The following CNTNAP5 variants were observed in gnomAD, a reference collection of about 807,000 sequenced individuals.
The protein encoded by CNTNAP5 is contactin associated protein family member 5, also known as contactin-associated protein-like 5.
CNTNAP5 carries 72 observed loss-of-function variants against 150.2 expected under a neutral mutation model. The observed-to-expected ratio is 0.48, with a 90% CI of 0.40 to 0.58. The LOEUF is 0.58. Ranked by LOEUF, CNTNAP5 falls within the 20% of genes least tolerant of loss-of-function variation. The pLI is 0.00. For missense variants in CNTNAP5, 1,636 were observed against 1,626.2 expected (o/e 1.01, Z -0.10); for synonymous variants, 672 against 619.8 (o/e 1.08, Z -1.25).
Position 124,474,889 on chromosome 2 carries a change from C to A in CNTNAP5, c.1062+7C>A. The A allele has an allele frequency of 6.3e-7, 1 of 1,592,852 alleles. No individual in the cohort carries two copies. The highest frequency in any genetic ancestry group is 8.5e-7 in the Non-Finnish European group (1 of 1,173,466). ...GCATCAGATCTATACTGTGGTAAGT[C>A]AGCCCATCTGTTTTGTCTTGATGGT... is the stretch of plus-strand genomic sequence containing the variant. On this transcript the variant is annotated splice_region_variant and intron_variant, in intron 7 of 23. Coordinates refer to ENST00000682447, the MANE Select transcript of CNTNAP5 (RefSeq NM_001367498.1).
At chr2:124,556,216 G>C (rs1184707841) in intron 10 of CNTNAP5, among the ~76,000 whole-genome samples, 1 of 152,142 alleles carries the variant, frequency 6.6e-6, no homozygotes, top group East Asian at 1.9e-4. Flanking sequence ...TCACCTTCCT[G>C]ACTCTGTCGC....
rs568063018 is a variant in CNTNAP5 at position 124,763,544 on chromosome 2, G to C, written c.2235-128G>C. On this transcript the variant is annotated intron_variant, in intron 14 of 23. Transcript: ENST00000682447. ...ACACTTAGGCGATGAAAGGCCTTCT[G>C]TTTTCCCCCTCTCTGCCCCTACCCT... The C allele has an allele frequency of 1.9e-4, 145 of 781,684 alleles. No homozygotes were observed. In the African/African-American group the frequency reaches 2.3e-3, roughly 12 times the overall value. The allele number at this position is 781,684 out of a possible 1,614,324, so 48.4% of individuals were successfully genotyped here.
intron 10 of CNTNAP5, among the ~76,000 whole-genome samples, chr2:124,545,882 A>T (rs1476283197): frequency 6.6e-6 from 1 of 152,206 alleles, no homozygotes; most frequent in Admixed American, 6.5e-5. Context: ...GCTTCAGCTC[A>T]GGAGTTCAAG....
intron 21 of CNTNAP5, among the ~76,000 whole-genome samples, chr2:124,870,490 C>CT (rs1243564664): frequency 7.7e-6 from 1 of 129,464 alleles, no homozygotes; most frequent in African/African-American, 4.3e-5. Context: ...ACTGTCCATC[C>CT]ATTTTTTTAT....
chr2:124,691,971 T>C (rs1317507447), intron 13 of CNTNAP5, among the ~76,000 whole-genome samples: 1 of 152,136 alleles, frequency 6.6e-6, no homozygotes, highest in Non-Finnish European at 1.5e-5. Flanking sequence ...TCCTCTGTCT[T>C]GGCATTAGGA....
At chr2:124,414,616 C>A (rs759363652) in intron 3 of CNTNAP5, among the ~76,000 whole-genome samples, 2 of 152,100 alleles carry the variant, frequency 1.3e-5, no homozygotes, top group African/African-American at 4.8e-5. Flanking sequence ...ACATTAGTCA[C>A]GGGATTAACT....
At chr2:124,886,762 G>A (rs1678089562) in intron 21 of CNTNAP5, among the ~76,000 whole-genome samples, 1 of 151,926 alleles carries the variant, frequency 6.6e-6, no homozygotes, top group African/African-American at 2.4e-5. Context: ...CTTTTATCCT[G>A]TGGAATTCCA....
rs568396131 is a variant in CNTNAP5 at position 124,656,171 on chromosome 2, T to C, written c.2077+8213T>C. 3.3e-5 allele frequency among the ~76,000 whole-genome samples: 5 copies of C among 151,880 alleles called. No homozygotes were observed. In the East Asian group the frequency reaches 9.7e-4, roughly 30 times the overall value. ...TATACAGACATGTTTTAAATGACAA[T>C]GTCATCTTCAAAATTTTACATGAAT... On this transcript the variant is annotated intron_variant, in intron 13 of 23. Transcript: ENST00000682447.
Position 124,110,636 on chromosome 2 carries a change from C to T in CNTNAP5, c.82+84904C>T, listed in dbSNP as rs1187432153. On this transcript the variant is annotated intron_variant, in intron 1 of 23. Coordinates refer to ENST00000682447, the MANE Select transcript of CNTNAP5 (RefSeq NM_001367498.1). ...TATGTGATTTCTTCCTTCCACCTCT[C>T]CTGAGAGAGGGCTATTGGTATCCTC... 3.0e-4 allele frequency among the ~76,000 whole-genome samples: 46 copies of T among 152,260 alleles called. 1 individual carries two copies.
At chr2:124,565,688 C>T (rs1356727018) in intron 11 of CNTNAP5, among the ~76,000 whole-genome samples, 6 of 147,930 alleles carry the variant, frequency 4.1e-5, no homozygotes, top group Non-Finnish European at 7.4e-5. Context: ...CAACCTCCGC[C>T]TCCCAGGTTC....
At chr2:124,217,597 C>A (rs1686191524) in intron 1 of CNTNAP5, among the ~76,000 whole-genome samples, 1 of 152,100 alleles carries the variant, frequency 6.6e-6, no homozygotes. Context: ...TTTTATTACC[C>A]CTCCACTTCA....
intron 3 of CNTNAP5, among the ~76,000 whole-genome samples, chr2:124,272,387 A>G (rs918588415): frequency 6.6e-6 from 1 of 152,152 alleles, no homozygotes; most frequent in Non-Finnish European, 1.5e-5. Context: ...TTTAATAGAA[A>G]CTAGCTGTGG....
intron 19 of CNTNAP5, among the ~76,000 whole-genome samples, chr2:124,837,093 G>C (rs1382166248): frequency 6.6e-6 from 1 of 151,816 alleles, no homozygotes; most frequent in Admixed American, 6.6e-5. Flanking sequence ...GAGTATGTGA[G>C]GGACAGGAAT....
At chr2:124,469,886 T>C (rs1693464371) in intron 6 of CNTNAP5, among the ~76,000 whole-genome samples, 1 of 152,150 alleles carries the variant, frequency 6.6e-6, no homozygotes. Flanking sequence ...GCATCCATGT[T>C]CCTGCAAAGG....
chr2:124,889,572 G>C (rs889539973), intron 21 of CNTNAP5, among the ~76,000 whole-genome samples: 3 of 151,942 alleles, frequency 2.0e-5, no homozygotes, highest in African/African-American at 7.2e-5. Flanking sequence ...TCTTTTCTAA[G>C]CTCTTTTCTA....
At chr2:124,910,359 A>G (rs986194976) in intron 22 of CNTNAP5, among the ~76,000 whole-genome samples, 2 of 152,118 alleles carry the variant, frequency 1.3e-5, no homozygotes, top group African/African-American at 2.4e-5. Context: ...AGATTTAGTG[A>G]GCACTTACGT....
rs541245860 is a variant in CNTNAP5 at position 124,212,871 on chromosome 2, C to G, written c.83-8834C>G. On this transcript the variant is annotated intron_variant, in intron 1 of 23. Transcript: ENST00000682447. ...TTTTTTTTTTTGAGATGGAGTCTTG[C>G]TCTGTCACCCAGGCTAGCGTGCAAT... Among the ~76,000 whole-genome samples the G allele has an allele frequency of 3.7e-5, 4 of 108,882 alleles. No individual in the cohort carries two copies. In the South Asian group the frequency reaches 1.3e-3, roughly 34 times the overall value. The allele number at this position is 108,882 out of a possible 152,430, so 71.4% of individuals were successfully genotyped here.
intron 1 of CNTNAP5, among the ~76,000 whole-genome samples, chr2:124,177,243 G>A (rs1477248468): frequency 6.6e-6 from 1 of 152,102 alleles, no homozygotes; most frequent in Non-Finnish European, 1.5e-5. Flanking sequence ...GGAAAAAGGG[G>A]TTTTAGCTTC....
At chr2:124,737,800 A>G (rs1680418013) in intron 13 of CNTNAP5, among the ~76,000 whole-genome samples, 1 of 152,180 alleles carries the variant, frequency 6.6e-6, no homozygotes, top group Admixed American at 6.5e-5. Flanking sequence ...GTCGTCGACT[A>G]GCTGAGTTAC....
Sources: gnomAD v4.1 joint callset for allele counts (sites outside exome capture counted in the v4.1 genomes callset) on GRCh38, gnomAD v4.1.1 for gene constraint, MANE v1.5 for transcripts, NCBI Gene and HGNC (gene_info 2026-07-23, HGNC 2026-07-21) for gene names.